RERE: variants seen among roughly 807,000 people sequenced by gnomAD.
The protein encoded by RERE is arginine-glutamic acid dipeptide repeats.
Under a neutral mutation model 146.1 loss-of-function variants are expected in RERE, and 40 were observed. That is an observed-to-expected ratio of 0.27 (90% CI 0.21 to 0.36). The LOEUF is 0.36. Ranked by LOEUF, RERE falls within the 10% of genes least tolerant of loss-of-function variation. The pLI is 1.00. For missense variants in RERE, 1,933 were observed against 2,138.7 expected (o/e 0.90, Z 1.90); for synonymous variants, 1,003 against 866.0 (o/e 1.16, Z -2.78).
At chr1:8,393,173 T>C (rs1348095571) in intron 12 of RERE, among the ~76,000 whole-genome samples, 1 of 152,244 alleles carries the variant, frequency 6.6e-6, no homozygotes, top group African/African-American at 2.4e-5. Flanking sequence ...GAAACTGTCC[T>C]ACACTTTATA....
chr1:8,801,575 A>C (rs1399537300), intron 1 of RERE, among the ~76,000 whole-genome samples: 2 of 152,142 alleles, frequency 1.3e-5, no homozygotes, highest in African/African-American at 2.4e-5. Flanking sequence ...GGCCAAAAAA[A>C]AAATGTTCTT....
chr1:8,400,443 G>A (rs12567722), intron 12 of RERE, among the ~76,000 whole-genome samples: 29,241 of 151,850 alleles, frequency 0.19, 4,055 homozygotes, highest in East Asian at 0.61. Flanking sequence ...GTAGAAATGA[G>A]GTCTTTCTAT....
rs1398375334 is a variant in RERE, at chr1:8,771,658, C to T, written c.-145+45502G>A. Among the ~76,000 whole-genome samples the T allele has an allele frequency of 3.3e-5, 5 of 151,794 alleles. No individual in the cohort carries two copies. In the East Asian group the frequency reaches 9.6e-4, roughly 29 times the overall value. ...GGGCATGGTGGCTCACGCCTGTAATCCCAGCACTGTGGGAGGCCAAGGCAG... is the reference window on the plus strand; with the variant it reads ...GGGCATGGTGGCTCACGCCTGTAATTCCAGCACTGTGGGAGGCCAAGGCAG... On this transcript the variant is annotated intron_variant, in intron 1 of 22. Coordinates refer to ENST00000400908, the MANE Select transcript of RERE (RefSeq NM_001042681.2).
intron 11 of RERE, among the ~76,000 whole-genome samples, chr1:8,451,040 T>C (rs933769001): frequency 1.3e-5 from 2 of 152,236 alleles, no homozygotes; most frequent in Non-Finnish European, 2.9e-5. Flanking sequence ...TCTTCTTGAC[T>C]GTGTCCCTCA....
intron 10 of RERE, among the ~76,000 whole-genome samples, chr1:8,492,441 AT>A (rs1258063286): frequency 6.6e-6 from 1 of 152,154 alleles, no homozygotes; most frequent in Non-Finnish European, 1.5e-5. Context: ...TGAAAGCAGG[AT>A]TTTTTTCACA....
At chr1:8,541,423 T>G (rs1645799486) in intron 6 of RERE, 105 bp from the exon 7 acceptor site, 1 of 644,258 alleles carries the variant, frequency 1.6e-6, no homozygotes, top group Non-Finnish European at 2.7e-6. Flanking sequence ...TCCATGTGCA[T>G]GGAGAATCGG....
At position 8,423,469 on chromosome 1, in the gene RERE, T is replaced by C; in HGVS notation, c.1204-662A>G. On this transcript the variant is annotated intron_variant, in intron 11 of 22. Coordinates refer to ENST00000400908, the MANE Select transcript of RERE (RefSeq NM_001042681.2). The surrounding 1 kb of genome is among the most constrained non-coding windows in gnomAD (Gnocchi z 5.4). ...TCCATTTTCGCAGCAGACTCGTCCC[T>C]AACCCCAGCCCGGAGACTTTCACTT... 1 of 913,302 alleles carries C rather than the reference T, an allele frequency of 1.1e-6. No individual in the cohort carries two copies. Among genetic ancestry groups the C allele is most frequent in the Non-Finnish European group, 1.3e-6 (1 of 764,212 alleles). The allele number at this position is 913,302 out of a possible 1,614,324, so 56.6% of individuals were successfully genotyped here.
chr1:8,557,571 A>C (rs1451250066), intron 4 of RERE, 48 bp from the exon 5 acceptor site: 1 of 1,240,834 alleles, frequency 8.1e-7, no homozygotes. Context: ...TCAGGTGGCC[A>C]CAAGTGCATA....
chr1:8,728,853 G>C (rs1640024912), intron 1 of RERE, among the ~76,000 whole-genome samples: 1 of 152,172 alleles, frequency 6.6e-6, no homozygotes, highest in East Asian at 1.9e-4. Flanking sequence ...AGGGCCAAGA[G>C]ACTGCACCTG....
At chr1:8,774,597 A>C (rs951075380) in intron 1 of RERE, among the ~76,000 whole-genome samples, 1 of 151,232 alleles carries the variant, frequency 6.6e-6, no homozygotes, top group African/African-American at 2.4e-5. Flanking sequence ...CAGCTGATCG[A>C]CCCGCCTCGG....
intron 1 of RERE, among the ~76,000 whole-genome samples, chr1:8,707,731 T>C (rs184537718): frequency 9.2e-5 from 14 of 152,210 alleles, no homozygotes; most frequent in African/African-American, 3.4e-4. Context: ...CAGCAAACAG[T>C]GACTGAATCC....
At chr1:8,692,870 T>C (rs1570615467) in intron 1 of RERE, among the ~76,000 whole-genome samples, 1 of 152,290 alleles carries the variant, frequency 6.6e-6, no homozygotes, top group East Asian at 1.9e-4. Flanking sequence ...TCTAATTAGA[T>C]TGTATTATTC....
At chr1:8,728,995 G>C (rs183673286) in intron 1 of RERE, among the ~76,000 whole-genome samples, 37 of 152,142 alleles carry the variant, frequency 2.4e-4, no homozygotes, top group Non-Finnish European at 4.6e-4. Context: ...GAGAAACCCT[G>C]TCTCTACTAA....
chr1:8,363,016 G>A (rs1315493210), intron 15 of RERE, among the ~76,000 whole-genome samples, 172 bp from the exon 16 acceptor site: 3 of 152,218 alleles, frequency 2.0e-5, no homozygotes, highest in East Asian at 1.9e-4. Context: ...CATGAAGGTC[G>A]GTGTGGAGCT....
chr1:8,638,782 A>ATTTTTT (rs1557450012), intron 2 of RERE, among the ~76,000 whole-genome samples: 1 of 134,360 alleles, frequency 7.4e-6, no homozygotes, highest in African/African-American at 3.0e-5. Context: ...GACGAAAAAA[A>ATTTTTT]ATTTTTTTTT....
At chr1:8,416,056 G>A (rs1057444734) in intron 12 of RERE, among the ~76,000 whole-genome samples, 7 of 152,104 alleles carry the variant, frequency 4.6e-5, no homozygotes, top group East Asian at 3.8e-4. Flanking sequence ...AGCAATGCCC[G>A]AAAACACTGT....
At chr1:8,653,781 T>C (rs1392647109) in intron 2 of RERE, among the ~76,000 whole-genome samples, 1 of 151,712 alleles carries the variant, frequency 6.6e-6, no homozygotes, top group Non-Finnish European at 1.5e-5. Context: ...AAGCAATCTG[T>C]GGTAACTCTG....
At position 8,395,970 on chromosome 1, in the gene RERE, C is replaced by G. The variant is rs534367446; in HGVS notation, c.1284+26757G>C. Among the ~76,000 whole-genome samples the G allele has an allele frequency of 3.3e-5, 5 of 152,288 alleles. No individual in the cohort carries two copies. The South Asian group carries it at 1.0e-3, about 32-fold the overall frequency. On this transcript the variant is annotated intron_variant, in intron 12 of 22. Transcript: ENST00000400908. ...TCTGCTCTGTAAGGCATAGGTGACA[C>G]CACCCCTCTCTCTGTGCTTAAAGGA... is the stretch of plus-strand genomic sequence containing the variant.
chr1:8,412,945 T>C (rs143500761), intron 12 of RERE, among the ~76,000 whole-genome samples: 7 of 152,340 alleles, frequency 4.6e-5, no homozygotes, highest in Non-Finnish European at 7.4e-5. Flanking sequence ...AAGCTTCCTA[T>C]GACTGTTGAT....
Sources: allele counts gnomAD v4.1 joint callset (sites outside exome capture counted in the v4.1 genomes callset), GRCh38; gene constraint gnomAD v4.1.1; non-coding constraint Gnocchi (gnomAD v3.1); transcripts MANE v1.5; gene names NCBI Gene and HGNC (gene_info 2026-07-23, HGNC 2026-07-21).